Variants in AMMECR1 observed in about 807,000 individuals in gnomAD.
AMMECR1 encodes the protein nuclear protein AMMECR1.
Under a neutral mutation model 22.5 loss-of-function variants are expected in AMMECR1, and 3 were observed. The observed-to-expected ratio is 0.13, with a 90% CI of 0.06 to 0.35. AMMECR1 has a LOEUF of 0.35. AMMECR1 is among the 10% of genes least tolerant of loss of function. AMMECR1 has a pLI of 1.00. For missense variants in AMMECR1, 235 were observed against 278.7 expected, an observed-to-expected ratio of 0.84 and a Z score of 1.12; for synonymous variants, 130 against 116.7, an observed-to-expected ratio of 1.11 and a Z score of -0.74.
intron 2 of AMMECR1, among the ~76,000 whole-genome samples, chrX:110,344,253 GTA>G (rs1411552240): frequency 1.8e-5 from 2 of 111,907 alleles, no homozygotes; most frequent in Non-Finnish European, 3.8e-5. Flanking sequence ...AAAGGATTCC[GTA>G]TTTAACAAAT....
intron 2 of AMMECR1, among the ~76,000 whole-genome samples, chrX:110,260,086 G>A (rs1320317097): frequency 9.0e-6 from 1 of 111,707 alleles, no homozygotes; most frequent in Admixed American, 9.5e-5. Context: ...CTTGAGCAAT[G>A]ATAAATAGGG....
intron 2 of AMMECR1, among the ~76,000 whole-genome samples, chrX:110,327,870 C>T (rs922490456): frequency 9.0e-6 from 1 of 111,339 alleles, no homozygotes; most frequent in Non-Finnish European, 1.9e-5. Context: ...CACAAAGCAT[C>T]GATTATTATT....
At chrX:110,342,927 G>C (rs1209108001) in intron 2 of AMMECR1, among the ~76,000 whole-genome samples, 1 of 111,581 alleles carries the variant, frequency 9.0e-6, no homozygotes, top group Non-Finnish European at 1.9e-5. Flanking sequence ...GGAGGAGCTG[G>C]TACCATTCCT....
In AMMECR1 at chrX:110,256,444, A is replaced by G. The variant is rs373637204; in HGVS notation, c.584+8045T>C. ...TAAATGTTACAATTTGTCCATGTCT[A>G]TTTTGTTATATAAATATAGATATAT... is the stretch of plus-strand genomic sequence containing the variant. On this transcript the variant is annotated intron_variant, in intron 2 of 5. Coordinates refer to ENST00000262844, the MANE Select transcript of AMMECR1 (RefSeq NM_015365.3). Among the ~76,000 whole-genome samples, 6 of 111,313 alleles carry G rather than the reference A, an allele frequency of 5.4e-5. No individual in the cohort carries two copies. The East Asian group carries it at 1.4e-3, about 26-fold the overall frequency.
At chrX:110,432,507 GC>G (rs2068804811) in intron 1 of AMMECR1, among the ~76,000 whole-genome samples, 1 of 112,056 alleles carries the variant, frequency 8.9e-6, no homozygotes, top group African/African-American at 3.3e-5. Flanking sequence ...TTGTGAGGCA[GC>G]GTTGGGGGCC....
intron 2 of AMMECR1, among the ~76,000 whole-genome samples, chrX:110,373,625 T>C (rs908070402): frequency 2.7e-5 from 3 of 112,545 alleles, no homozygotes; most frequent in Non-Finnish European, 5.6e-5. Context: ...CCCAAGAAAC[T>C]ACAGATAATA....
At chrX:110,407,488 A>G (rs925847526) in intron 2 of AMMECR1, among the ~76,000 whole-genome samples, 5 of 112,683 alleles carry the variant, frequency 4.4e-5, no homozygotes, top group African/African-American at 1.6e-4. Context: ...ACCATTTACT[A>G]GCAGATTACT....
chrX:110,265,322 C>G (rs927677433), intron 1 of AMMECR1, among the ~76,000 whole-genome samples: 2 of 111,659 alleles, frequency 1.8e-5, no homozygotes, highest in African/African-American at 6.5e-5. Context: ...CAGTAGGGTT[C>G]AGAGAGGTGA....
intron 2 of AMMECR1, among the ~76,000 whole-genome samples, chrX:110,368,853 C>A (rs770845785): frequency 9.0e-6 from 1 of 111,337 alleles, no homozygotes; most frequent in South Asian, 3.8e-4. Flanking sequence ...AATAGGAATT[C>A]CAAGATTCCT....
At chrX:110,255,340 T>C (rs1348132866) in intron 2 of AMMECR1, among the ~76,000 whole-genome samples, 1 of 111,660 alleles carries the variant, frequency 9.0e-6, no homozygotes, top group Non-Finnish European at 1.9e-5. Flanking sequence ...GAACCCATGA[T>C]CTCATTAGCA....
In AMMECR1 at chrX:110,266,110, G is replaced by GT. The variant is rs752019966; in HGVS notation, c.474-1512dup. On this transcript the variant is annotated intron_variant, in intron 1 of 5. Transcript: ENST00000262844. Reference sequence around the variant, plus strand: ...AATAACAAACAAAAGGTAAAAGCCAGTTTTTTTTTTTTTTTGCTTTCTATA... The same window carrying GT: ...AATAACAAACAAAAGGTAAAAGCCAGTTTTTTTTTTTTTTTTGCTTTCTATA... 8.5e-3 allele frequency among the ~76,000 whole-genome samples: 785 copies of GT among 92,432 alleles called. 2 individuals carry two copies. Among genetic ancestry groups the GT allele is most frequent in the African/African-American group, 0.01 (260 of 25,771 alleles). The allele number at this position is 92,432 out of a possible 115,157, so 80.3% of individuals were successfully genotyped here. A position where few individuals can be genotyped will look rare whatever the true frequency, so the allele number is the denominator to read the frequency against.
intron 2 of AMMECR1, among the ~76,000 whole-genome samples, chrX:110,396,881 A>T (rs887574065): frequency 8.9e-6 from 1 of 112,168 alleles, no homozygotes; most frequent in African/African-American, 3.2e-5. Flanking sequence ...GGACAGCCTG[A>T]TTGATGGGAT....
chrX:110,318,496 AG>A (rs1252671630), upstream of AMMECR1, among the ~76,000 whole-genome samples: 2 of 110,555 alleles, frequency 1.8e-5, no homozygotes, highest in African/African-American at 3.3e-5. Flanking sequence ...TAGTGGGGGT[AG>A]GGGGGAAGAA....
intron 3 of AMMECR1, among the ~76,000 whole-genome samples, chrX:110,212,320 C>A (rs770548537): frequency 2.7e-5 from 3 of 111,740 alleles, no homozygotes; most frequent in African/African-American, 6.5e-5. Flanking sequence ...ACAGGGATAT[C>A]TGTCTTGGTA....
intron 2 of AMMECR1, among the ~76,000 whole-genome samples, chrX:110,342,807 G>C (rs1382308090): frequency 9.0e-6 from 1 of 111,705 alleles, no homozygotes; most frequent in Non-Finnish European, 1.9e-5. Flanking sequence ...TAACCTGTAA[G>C]CATGACATAC....
At chrX:110,346,841 G>A (rs1227304858) in intron 2 of AMMECR1, 2 of 660,880 alleles carry the variant, frequency 3.0e-6, no homozygotes, top group Admixed American at 4.4e-5. Context: ...TTACGCTGTT[G>A]AGCCCGGCCT....
chrX:110,417,060 A>C (rs2148316103), intron 2 of AMMECR1, among the ~76,000 whole-genome samples: 1 of 112,423 alleles, frequency 8.9e-6, no homozygotes, highest in East Asian at 2.8e-4. Context: ...CAGAGACTTC[A>C]GGATAGCCCC....
At chrX:110,411,044 G>A (rs1361467952) in intron 2 of AMMECR1, among the ~76,000 whole-genome samples, 2 of 112,486 alleles carry the variant, frequency 1.8e-5, no homozygotes, top group South Asian at 3.7e-4. Flanking sequence ...TTTCAGCAGC[G>A]ATCAGCAAGT....
rs767704637 is a variant in AMMECR1 at position 110,406,376 on chromosome X, G to A, written c.-148+20282C>T. 9.1e-5 allele frequency among the ~76,000 whole-genome samples: 10 copies of A among 110,471 alleles called. No homozygotes were observed. In the South Asian group the frequency reaches 3.5e-3, roughly 39 times the overall value. On this transcript the variant is annotated intron_variant, in intron 2 of 7. Coordinates refer to the AMMECR1 transcript ENST00000372057. ...GCGGTGTTTGGTTTTCTGATCTTGC[G>A]ATAGTTTGCTGAGAATGATGGTTTC...
Sources: allele counts gnomAD v4.1 joint callset (sites outside exome capture counted in the v4.1 genomes callset), GRCh38; gene constraint gnomAD v4.1.1; transcripts MANE v1.5; gene names NCBI Gene and HGNC (gene_info 2026-07-23, HGNC 2026-07-21).